ALPL: variants seen among roughly 807,000 people sequenced by gnomAD.
ALPL encodes the protein alkaline phosphatase, biomineralization associated.
Under a neutral mutation model 51.3 loss-of-function variants are expected in ALPL, and 42 were observed. That is an observed-to-expected ratio of 0.82 (90% CI 0.64 to 1.06). The LOEUF (loss-of-function observed/expected upper bound fraction) is 1.06, where lower values mean the gene tolerates loss of function less well. Among genes scored for constraint, ALPL ranks in the 50% least tolerant of loss-of-function variants. The pLI, the probability that ALPL is intolerant of heterozygous loss-of-function variation, is 0.00. For missense variants in ALPL, 589 were observed against 709.4 expected, an observed-to-expected ratio of 0.83 and a Z score of 1.93; for synonymous variants, 279 against 296.4, an observed-to-expected ratio of 0.94 and a Z score of 0.60.
At chr1:21,531,620 G>A (rs907170947) in intron 1 of ALPL, among the ~76,000 whole-genome samples, 3 of 152,222 alleles carry the variant, frequency 2.0e-5, no homozygotes, top group African/African-American at 7.2e-5. Flanking sequence ...GGAGGATGGA[G>A]TTTCAACAAG....
chr1:21,534,876 A>G (rs1212254296), intron 1 of ALPL, among the ~76,000 whole-genome samples: 1 of 152,198 alleles, frequency 6.6e-6, no homozygotes, highest in Non-Finnish European at 1.5e-5. Flanking sequence ...CCACAGTGAA[A>G]TGATTTCTTG....
At chr1:21,516,384 C>A (rs1780314) in intron 1 of ALPL, among the ~76,000 whole-genome samples, 1 of 151,900 alleles carries the variant, frequency 6.6e-6, no homozygotes, top group African/African-American at 2.4e-5. Flanking sequence ...TGCCTCATTC[C>A]GCTGGTCCCT....
At chr1:21,571,763 G>A (rs1186617148) in intron 8 of ALPL, among the ~76,000 whole-genome samples, 4 of 152,164 alleles carry the variant, frequency 2.6e-5, no homozygotes, top group African/African-American at 4.8e-5. Context: ...GCCAAGGCAG[G>A]TTGATCACTT....
At chr1:21,532,233 C>G (rs1644040261) in intron 1 of ALPL, among the ~76,000 whole-genome samples, 1 of 151,904 alleles carries the variant, frequency 6.6e-6, no homozygotes, top group Non-Finnish European at 1.5e-5. Flanking sequence ...GCTTTGTCAC[C>G]CAGGCTGGAG....
intron 1 of ALPL, among the ~76,000 whole-genome samples, chr1:21,534,322 C>G (rs1305208228): frequency 6.6e-6 from 1 of 152,174 alleles, no homozygotes; most frequent in African/African-American, 2.4e-5. Flanking sequence ...ATGCAAGATG[C>G]CTTTTGTAGT....
intron 3 of ALPL, 126 bp downstream of exon 3, chr1:21,560,871 A>G: frequency 7.7e-7 from 1 of 1,303,364 alleles, no homozygotes. Flanking sequence ...GTTTAAAAGG[A>G]TGAGGGGCCA....
In ALPL at chr1:21,518,027, A is replaced by C. The variant is rs577991707; in HGVS notation, c.-105+8510A>C. Among the ~76,000 whole-genome samples, 301 of 152,098 alleles carry C rather than the reference A, an allele frequency of 2.0e-3. 2 individuals are homozygous for C. Among genetic ancestry groups the C allele is most frequent in the African/African-American group, 6.9e-3 (288 of 41,506 alleles). ...GATAGGCCCAGGTGGCACCCAGTTC[A>C]GTGTCACGGTGCTCCTTGGTCTTCT... On this transcript the variant is annotated intron_variant, in intron 1 of 11. Coordinates refer to ENST00000374840, the MANE Select transcript of ALPL (RefSeq NM_000478.6).
intron 1 of ALPL, among the ~76,000 whole-genome samples, chr1:21,532,066 G>GTT (rs1388672847): frequency 5.9e-5 from 9 of 152,134 alleles, no homozygotes; most frequent in African/African-American, 2.2e-4. Flanking sequence ...GGCAAGGAGC[G>GTT]TGTGGATTCC....
At chr1:21,555,955 T>A (rs1301183633) in intron 2 of ALPL, among the ~76,000 whole-genome samples, 1 of 151,844 alleles carries the variant, frequency 6.6e-6, no homozygotes, top group Non-Finnish European at 1.5e-5. Flanking sequence ...GTACTTTTAG[T>A]AGAGACGGGG....
In ALPL at chr1:21,552,785, A is replaced by G. The variant is rs781566678; in HGVS notation, c.-104-1193A>G. On this transcript the variant is annotated intron_variant, in intron 1 of 11. Transcript: ENST00000374840. ...ACTTAACATATAATAATTGGACTAG[A>G]GTGGTGTCTTATCTGTCACAACACT... 1.2e-4 allele frequency among the ~76,000 whole-genome samples: 18 copies of G among 152,266 alleles called. No individual in the cohort carries two copies. The South Asian group carries it at 1.2e-3, about 11-fold the overall frequency.
intron 2 of ALPL, among the ~76,000 whole-genome samples, chr1:21,556,376 C>T (rs1644414034): frequency 6.6e-6 from 1 of 152,192 alleles, no homozygotes; most frequent in Non-Finnish European, 1.5e-5. Flanking sequence ...TATGGTGGCT[C>T]ACGCCTGTAA....
intron 1 of ALPL, among the ~76,000 whole-genome samples, chr1:21,518,203 T>C (rs1643836920): frequency 1.3e-5 from 2 of 151,958 alleles, no homozygotes; most frequent in South Asian, 4.2e-4. Context: ...AGGCTTAAAG[T>C]AAGAGTGACG....
intron 1 of ALPL, among the ~76,000 whole-genome samples, chr1:21,547,363 A>C (rs1250661183): frequency 6.6e-6 from 1 of 152,058 alleles, no homozygotes; most frequent in Non-Finnish European, 1.5e-5. Context: ...GAGTGTGTGC[A>C]GGGCGTGGTG....
In ALPL at chr1:21,554,026, A is replaced by ACCCC; in HGVS notation, c.-53_-52insCCCC. 3.0e-6 allele frequency: 2 copies of ACCCC among 667,086 alleles called. No homozygotes were observed. The highest frequency in any genetic ancestry group is 2.7e-6 in the Non-Finnish European group (1 of 372,780). 41.3% of individuals were successfully genotyped at this position (667,086 alleles called of 1,614,324 possible). A position where few individuals can be genotyped will look rare whatever the true frequency, so the allele number is the denominator to read the frequency against. On this transcript the variant is annotated 5_prime_UTR_variant, in exon 2 of 12. Transcript: ENST00000374840. ...GACCACTGCCAGCCCACCCCCTCCC[A>ACCCC]CCCACGTCGATTGCATCTCTGGGCT...
intron 4 of ALPL, among the ~76,000 whole-genome samples, chr1:21,562,494 G>T (rs775925564): frequency 6.6e-6 from 1 of 152,120 alleles, no homozygotes; most frequent in Non-Finnish European, 1.5e-5. Context: ...GCTCACTTCT[G>T]GGGGAGTAGT....
intron 2 of ALPL, among the ~76,000 whole-genome samples, chr1:21,556,768 C>T (rs1295406848): frequency 6.6e-6 from 1 of 151,610 alleles, no homozygotes; most frequent in Non-Finnish European, 1.5e-5. Flanking sequence ...GCAAAAACTC[C>T]TCTCTACTAA....
chr1:21,517,363 G>A (rs984073080), intron 1 of ALPL, among the ~76,000 whole-genome samples: 1 of 152,222 alleles, frequency 6.6e-6, no homozygotes, highest in East Asian at 1.9e-4. Flanking sequence ...TTTGGAAAGT[G>A]CAGGTGAGAC....
chr1:21,563,079 C>A, intron 4 of ALPL, 31 bp from the exon 5 acceptor site: 1 of 1,613,036 alleles, frequency 6.2e-7, no homozygotes, highest in Non-Finnish European at 8.5e-7. Context: ...GAAGGCCTGG[C>A]CATCTCCTGA....
intron 2 of ALPL, among the ~76,000 whole-genome samples, chr1:21,558,868 G>A (rs961287960): frequency 7.2e-5 from 11 of 152,190 alleles, no homozygotes; most frequent in African/African-American, 1.7e-4. Flanking sequence ...GCAGAGCCAC[G>A]GCGACGCGTG....
Sources: gnomAD v4.1 joint callset for allele counts (sites outside exome capture counted in the v4.1 genomes callset) on GRCh38, gnomAD v4.1.1 for gene constraint, MANE v1.5 for transcripts, NCBI Gene and HGNC (gene_info 2026-07-23, HGNC 2026-07-21) for gene names.